The following GRM7 variants were observed in gnomAD, a reference collection of about 807,000 sequenced individuals.
GRM7 encodes the protein metabotropic glutamate receptor 7.
Under a neutral mutation model 84.5 loss-of-function variants are expected in GRM7, and 35 were observed. That is an observed-to-expected ratio of 0.41 (90% CI 0.32 to 0.55). The LOEUF is 0.55. GRM7 is among the 20% of genes least tolerant of loss of function. The pLI, the probability that GRM7 is intolerant of heterozygous loss-of-function variation, is 0.19. For missense variants in GRM7, 1,003 were observed against 1,194.6 expected, an observed-to-expected ratio of 0.84 and a Z score of 2.36; for synonymous variants, 487 against 455.1, an observed-to-expected ratio of 1.07 and a Z score of -0.89.
intron 2 of GRM7, among the ~76,000 whole-genome samples, chr3:7,236,007 C>G (rs1478661168): frequency 1.3e-5 from 2 of 152,152 alleles, no homozygotes; most frequent in African/African-American, 4.8e-5. Flanking sequence ...AAGGTCCTTG[C>G]AGACACTGCA....
chr3:7,459,662 G>A (rs1442469541), intron 6 of GRM7, among the ~76,000 whole-genome samples: 1 of 152,040 alleles, frequency 6.6e-6, no homozygotes, highest in Non-Finnish European at 1.5e-5. Flanking sequence ...CAGTATGGGG[G>A]AAACTGCCCG....
intron 1 of GRM7, among the ~76,000 whole-genome samples, chr3:7,037,669 T>C (rs1023810749): frequency 2.6e-5 from 4 of 152,168 alleles, no homozygotes; most frequent in African/African-American, 9.7e-5. Flanking sequence ...CCAACAAGCA[T>C]GTGATGGATT....
Position 7,447,347 on chromosome 3 carries a change from A to AGT in GRM7, c.1175-5250_1175-5249dup, listed in dbSNP as rs931555602. Among the ~76,000 whole-genome samples, 3 of 152,044 alleles carry AGT rather than the reference A, an allele frequency of 2.0e-5. No homozygotes were observed. The East Asian group carries it at 5.8e-4, about 29-fold the overall frequency. On this transcript the variant is annotated intron_variant, in intron 5 of 9. Transcript: ENST00000357716. ...AAAATATCTCTTAACATTGTATTTC[A>AGT]GTGTGTGTGTGGGTGTGTTTAATGC...
intron 1 of GRM7, among the ~76,000 whole-genome samples, chr3:7,133,938 C>T (rs937019393): frequency 2.0e-5 from 3 of 152,092 alleles, no homozygotes; most frequent in Non-Finnish European, 4.4e-5. Context: ...TCATTGAATG[C>T]TGTGGGAATA....
At chr3:7,619,995 A>G (rs1047681101) in intron 8 of GRM7, among the ~76,000 whole-genome samples, 1 of 152,106 alleles carries the variant, frequency 6.6e-6, no homozygotes, top group African/African-American at 2.4e-5. Context: ...AATATAGACC[A>G]AAAATCCTGA....
At chr3:7,291,451 A>T (rs1049203362) in intron 2 of GRM7, among the ~76,000 whole-genome samples, 1 of 150,376 alleles carries the variant, frequency 6.6e-6, no homozygotes, top group African/African-American at 2.5e-5. Context: ...TAGTGCAGAC[A>T]TCACAGTACA....
chr3:7,078,204 C>T (rs1331868824), intron 1 of GRM7, among the ~76,000 whole-genome samples: 1 of 152,168 alleles, frequency 6.6e-6, no homozygotes, highest in African/African-American at 2.4e-5. Flanking sequence ...ACAAACTCTC[C>T]TAGGCTTGAT....
chr3:7,378,997 A>G lies in GRM7; in HGVS notation c.1034-36026A>G, dbSNP rs1196471458. On this transcript the variant is annotated intron_variant, in intron 4 of 9. Transcript: ENST00000357716. Reference sequence around the variant, plus strand: ...CATTATCAAATTTCCTTGAGTGGCTAGAAAATACCTTTATAACGTCAGCTT... The same window carrying G: ...CATTATCAAATTTCCTTGAGTGGCTGGAAAATACCTTTATAACGTCAGCTT... Among the ~76,000 whole-genome samples the G allele has an allele frequency of 2.6e-5, 4 of 152,346 alleles. No individual in the cohort carries two copies. The East Asian group carries it at 5.8e-4, about 22-fold the overall frequency.
At chr3:7,457,689 G>A (rs1698075143) in intron 6 of GRM7, among the ~76,000 whole-genome samples, 1 of 152,166 alleles carries the variant, frequency 6.6e-6, no homozygotes, top group Non-Finnish European at 1.5e-5. Context: ...TTTGGAAGTA[G>A]CACTGTGACT....
At chr3:7,398,284 C>T (rs1695297883) in intron 4 of GRM7, among the ~76,000 whole-genome samples, 1 of 152,124 alleles carries the variant, frequency 6.6e-6, no homozygotes, top group African/African-American at 2.4e-5. Context: ...TGGCAGTGAA[C>T]AGTTTATCAG....
At chr3:7,403,304 TA>T (rs201476955) in intron 4 of GRM7, 2,068 of 183,422 alleles carry the variant, frequency 0.011, 40 homozygotes, top group African/African-American at 0.039. Context: ...CTATAATTCC[TA>T]AAAAAACTTG....
At chr3:7,645,373 C>A (rs1219125135) in intron 8 of GRM7, among the ~76,000 whole-genome samples, 8 of 151,466 alleles carry the variant, frequency 5.3e-5, no homozygotes, top group African/African-American at 1.9e-4. Flanking sequence ...ATGGTGAAAC[C>A]CCGTCACTAC....
intron 9 of GRM7, among the ~76,000 whole-genome samples, chr3:7,685,611 A>G (rs1265870322): frequency 6.6e-6 from 1 of 152,158 alleles, no homozygotes; most frequent in Non-Finnish European, 1.5e-5. Context: ...TAGAAGAATA[A>G]CAATTTGTAC....
chr3:7,572,825 TATA>T (rs1559411727), intron 7 of GRM7, among the ~76,000 whole-genome samples: 3 of 10,732 alleles, frequency 2.8e-4, no homozygotes, highest in Non-Finnish European at 1.9e-4. Flanking sequence ...CTATCTCAAA[TATA>T]TATATATATA....
At chr3:7,696,617 G>C (rs1456572755) in intron 9 of GRM7, among the ~76,000 whole-genome samples, 2 of 152,122 alleles carry the variant, frequency 1.3e-5, no homozygotes, top group Non-Finnish European at 2.9e-5. Flanking sequence ...ACTTGGATTG[G>C]CCAACTTTGA....
At chr3:7,457,424 A>G (rs1698065739) in intron 6 of GRM7, among the ~76,000 whole-genome samples, 1 of 152,138 alleles carries the variant, frequency 6.6e-6, no homozygotes, top group Non-Finnish European at 1.5e-5. Context: ...AGTTATCTTT[A>G]TGTTGGCCCA....
chr3:7,447,353 T>C (rs1697561715), intron 5 of GRM7, among the ~76,000 whole-genome samples: 1 of 152,192 alleles, frequency 6.6e-6, no homozygotes, highest in South Asian at 2.1e-4. Context: ...TTTCAGTGTG[T>C]GTGTGGGTGT....
chr3:7,366,496 C>A (rs998660252), intron 4 of GRM7, among the ~76,000 whole-genome samples: 3 of 151,708 alleles, frequency 2.0e-5, no homozygotes, highest in Admixed American at 6.6e-5. Flanking sequence ...ATATTAATAC[C>A]TTTAATTAAG....
chr3:7,329,765 T>C (rs1455599304), intron 4 of GRM7, among the ~76,000 whole-genome samples: 3 of 152,204 alleles, frequency 2.0e-5, no homozygotes, highest in Non-Finnish European at 4.4e-5. Context: ...TTTAAACTTA[T>C]GTTCATATAT....
Sources: gnomAD v4.1 joint callset for allele counts (sites outside exome capture counted in the v4.1 genomes callset) on GRCh38, gnomAD v4.1.1 for gene constraint, MANE v1.5 for transcripts, NCBI Gene and HGNC (gene_info 2026-07-23, HGNC 2026-07-21) for gene names.